The following SSBP1 variants were observed in gnomAD, a reference collection of about 807,000 sequenced individuals.
The protein encoded by SSBP1 is single-stranded DNA-binding protein, mitochondrial.
SSBP1 carries 20 observed loss-of-function variants against 27.0 expected under a neutral mutation model. The ratio of observed to expected loss-of-function variants is 0.74; its 90% CI spans 0.52 to 1.08. SSBP1 has a LOEUF of 1.08. Ranked by LOEUF, SSBP1 falls within the 50% of genes least tolerant of loss-of-function variation. SSBP1 has a pLI of 0.00. For synonymous variants in SSBP1, 59 were observed against 59.3 expected (o/e 1.00, Z 0.02); for missense variants, 137 against 182.4 (o/e 0.75, Z 1.44).
At chr7:141,744,377 CCACA>C (rs1220344385) in intron 5 of SSBP1, among the ~76,000 whole-genome samples, 1 of 152,162 alleles carries the variant, frequency 6.6e-6, no homozygotes. Flanking sequence ...CTGTTGGCTG[CCACA>C]TGGTATTTCC....
At chr7:141,747,482 C>T (rs372563690) in intron 6 of SSBP1, among the ~76,000 whole-genome samples, 3 of 150,320 alleles carry the variant, frequency 2.0e-5, no homozygotes, top group Admixed American at 6.6e-5. Context: ...CTTCGCCTCC[C>T]GGGTTCAAGC....
intron 6 of SSBP1, 22 bp from the exon 7 acceptor site, chr7:141,750,289 T>A (rs761040733): frequency 6.5e-7 from 1 of 1,546,340 alleles, no homozygotes; most frequent in Admixed American, 1.8e-5. Flanking sequence ...AAATTAATAT[T>A]TACATTTTGG....
intron 6 of SSBP1, among the ~76,000 whole-genome samples, chr7:141,747,345 T>C (rs73520150): frequency 0.035 from 5,295 of 151,714 alleles, 225 homozygotes; most frequent in South Asian, 0.15. Flanking sequence ...ATATTAATGT[T>C]TCTGTGTTTA....
chr7:141,746,070 G>A (rs1342999980), intron 6 of SSBP1: 4 of 716,366 alleles, frequency 5.6e-6, no homozygotes, highest in Non-Finnish European at 6.8e-6. Context: ...ACCCAGGCTG[G>A]AGTGCAATGG....
At chr7:141,744,082 C>A in intron 5 of SSBP1, 93 bp downstream of exon 5, 1 of 1,045,156 alleles carries the variant, frequency 9.6e-7, no homozygotes, top group Non-Finnish European at 1.4e-6. Flanking sequence ...TCTCTTAAAT[C>A]CCTGAGTACT....
chr7:141,743,450 A>C, intron 3 of SSBP1, 111 bp from the exon 4 acceptor site: 173 of 1,295,590 alleles, frequency 1.3e-4, no homozygotes, highest in Non-Finnish European at 1.7e-4. Context: ...TCCCACTTCC[A>C]AATACCATTA....
intron 2 of SSBP1, chr7:141,740,229 A>G (rs1799477179): frequency 6.6e-6 from 1 of 152,106 alleles, no homozygotes; most frequent in South Asian, 2.1e-4. Context: ...TCTGCTCCTA[A>G]GTTTAGTGAT....
At chr7:141,746,512 T>G (rs1285722787) in intron 6 of SSBP1, 1 of 152,052 alleles carries the variant, frequency 6.6e-6, no homozygotes, top group Non-Finnish European at 1.5e-5. Flanking sequence ...GCCTGGCTAA[T>G]TTGTCAATTT....
chr7:141,743,365 G>T (rs1039681079), intron 3 of SSBP1, among the ~76,000 whole-genome samples, 196 bp from the exon 4 acceptor site: 7 of 152,214 alleles, frequency 4.6e-5, no homozygotes, highest in African/African-American at 1.7e-4. Context: ...GAGACAGAAA[G>T]TTCTGAACTC....
intron 2 of SSBP1, chr7:141,741,243 C>T (rs1799516653): frequency 6.6e-6 from 1 of 152,244 alleles, no homozygotes; most frequent in Non-Finnish European, 1.5e-5. Flanking sequence ...CCCTAGATCC[C>T]TCGCATGAGC....
At position 141,743,617 on chromosome 7, in the gene SSBP1, G is replaced by A; in HGVS notation, c.142G>A (p.Val48Met). Residue 48 changes from valine (V) to methionine (M), a missense_variant, in exon 4 of 7, where the codon GTG becomes ATG. By Grantham distance (21) the Val-to-Met change is conservative. Transcript: ENST00000265304. ...RVGQDPVLRQ[V>M]EGKNPVTIFS... ...GGGTCAGGACCCTGTCTTGAGACAG[G>A]TGGAAGGAAAAAATCCAGTCACAAT... The A allele has an allele frequency of 6.8e-6, 11 of 1,614,190 alleles. No homozygotes were observed. Among genetic ancestry groups the A allele is most frequent in the Non-Finnish European group, 9.3e-6 (11 of 1,180,032 alleles).
intron 3 of SSBP1, among the ~76,000 whole-genome samples, chr7:141,742,582 T>G (rs1799584831): frequency 6.6e-6 from 1 of 152,228 alleles, no homozygotes; most frequent in Non-Finnish European, 1.5e-5. Context: ...TATAAAGATT[T>G]TCAGATCTCA....
intron 6 of SSBP1, among the ~76,000 whole-genome samples, chr7:141,748,506 A>C (rs997975163): frequency 6.6e-6 from 1 of 152,144 alleles, no homozygotes; most frequent in African/African-American, 2.4e-5. Context: ...AGTTTCTTTG[A>C]AAGTGTATTA....
intron 4 of SSBP1, 62 bp from the exon 5 acceptor site, chr7:141,743,840 T>C: frequency 1.9e-6 from 3 of 1,564,240 alleles, no homozygotes; most frequent in Non-Finnish European, 2.6e-6. Flanking sequence ...ATCGTGACAT[T>C]GGTTTTCCTG....
chr7:141,745,023 C>T (rs1799722521), intron 5 of SSBP1, among the ~76,000 whole-genome samples: 1 of 152,080 alleles, frequency 6.6e-6, no homozygotes, highest in South Asian at 2.1e-4. Context: ...TAGAAATAGT[C>T]TTAGTAATTA....
chr7:141,742,163 C>G lies in SSBP1; in HGVS notation c.25-6C>G. The G allele has an allele frequency of 6.3e-7, 1 of 1,596,912 alleles. No individual in the cohort carries two copies. The highest frequency in any genetic ancestry group is 8.6e-7 in the Non-Finnish European group (1 of 1,166,376). ...AAAGCCATGTTATTCATTTGTTCTT[C>G]TTTAGGTACTTCGTCAGTTTGTAAG... is the stretch of plus-strand genomic sequence containing the variant. On this transcript the variant is annotated splice_region_variant and splice_polypyrimidine_tract_variant and intron_variant, in intron 2 of 6. Coordinates refer to ENST00000265304, the MANE Select transcript of SSBP1 (RefSeq NM_003143.3).
intron 2 of SSBP1, chr7:141,740,070 A>G (rs990350385): frequency 2.0e-5 from 3 of 152,184 alleles, no homozygotes; most frequent in Non-Finnish European, 4.4e-5. Context: ...CCCAAATGAG[A>G]CATTGTTATT....
In SSBP1 at chr7:141,743,562, CCTGAATCGTGTGCACTTA is replaced by C; in HGVS notation, c.90_107del (p.Asn31_Leu36del). 1 of 1,613,912 alleles carries C rather than the reference CCTGAATCGTGTGCACTTA, an allele frequency of 6.2e-7. No individual in the cohort carries two copies. Among genetic ancestry groups the C allele is most frequent in the Non-Finnish European group, 8.5e-7 (1 of 1,179,952 alleles). The stretch of plus-strand genomic sequence containing the variant: ...TTTGGTCTTGATGTTGTGTTTCAGC[CCTGAATCGTGTGCACTTA>C]CTTGGGCGAGTGGGTCAGGACCCTG... On this transcript the variant is annotated inframe_deletion and splice_region_variant, in exon 4 of 7. Coordinates refer to ENST00000265304, the MANE Select transcript of SSBP1 (RefSeq NM_003143.3).
chr7:141,747,383 ATTTTTTTT>A (rs1320451586), intron 6 of SSBP1, among the ~76,000 whole-genome samples: 3 of 94,466 alleles, frequency 3.2e-5, no homozygotes, highest in South Asian at 4.0e-4. Flanking sequence ...CCCAAATTAG[ATTTTTTTT>A]TTTTTTTTTT....
Sources: allele counts gnomAD v4.1 joint callset (sites outside exome capture counted in the v4.1 genomes callset), GRCh38; gene constraint gnomAD v4.1.1; transcripts MANE v1.5; gene names NCBI Gene and HGNC (gene_info 2026-07-23, HGNC 2026-07-21).